The following HLF variants were observed in gnomAD, a reference collection of about 807,000 sequenced individuals.
HLF encodes hepatic leukemia factor.
In HLF, 3 loss-of-function variants were observed where a neutral mutation model predicts 22.6. The observed-to-expected ratio is 0.13, with a 90% CI of 0.06 to 0.34. The LOEUF is 0.34. HLF is among the 10% of genes least tolerant of loss of function. HLF has a pLI of 1.00. For missense variants in HLF, 299 were observed against 389.2 expected (o/e 0.77, Z 1.95); for synonymous variants, 151 against 151.8 (o/e 0.99, Z 0.04).
chr17:55,298,200 G>A (rs2081126699), intron 2 of HLF, among the ~76,000 whole-genome samples: 1 of 152,048 alleles, frequency 6.6e-6, no homozygotes, highest in Non-Finnish European at 1.5e-5. Flanking sequence ...GGATTTATGT[G>A]GGGAACTACA....
rs1041195045 is a variant in HLF, at chr17:55,292,917, A to T, written c.452-22310A>T. Among the ~76,000 whole-genome samples the T allele has an allele frequency of 3.3e-5, 5 of 152,340 alleles. No homozygotes were observed. The East Asian group carries it at 5.8e-4, about 18-fold the overall frequency. On this transcript the variant is annotated intron_variant, in intron 2 of 3. Transcript: ENST00000226067. Reference sequence around the variant, plus strand: ...AGGAAGACAAATATTGTATGTTCTTATTCAAATTGGGAGCTAAAAAGGTTG... The same window carrying T: ...AGGAAGACAAATATTGTATGTTCTTTTTCAAATTGGGAGCTAAAAAGGTTG...
At chr17:55,301,975 A>G (rs185497871) in intron 2 of HLF, among the ~76,000 whole-genome samples, 7 of 152,330 alleles carry the variant, frequency 4.6e-5, no homozygotes, top group Non-Finnish European at 8.8e-5. Context: ...ATCTCATCCT[A>G]TTATTTAACA....
intron 2 of HLF, among the ~76,000 whole-genome samples, chr17:55,297,849 A>C (rs1194763719): frequency 7.0e-6 from 1 of 143,814 alleles, no homozygotes; most frequent in African/African-American, 2.6e-5. Flanking sequence ...TCCCGGGTTC[A>C]AGCAGTTCTC....
chr17:55,318,174 G>T (rs1171118110), intron 3 of HLF, among the ~76,000 whole-genome samples: 1 of 152,122 alleles, frequency 6.6e-6, no homozygotes, highest in African/African-American at 2.4e-5. Context: ...GAGGGAAAGG[G>T]GGCAGAGGAT....
chr17:55,296,172 G>A (rs982974216), intron 2 of HLF, among the ~76,000 whole-genome samples: 1 of 152,188 alleles, frequency 6.6e-6, no homozygotes, highest in Admixed American at 6.5e-5. Context: ...TGAGGTGTGG[G>A]TGGTTGGTTT....
chr17:55,265,930 G>A, intron 1 of HLF: 1 of 954,764 alleles, frequency 1.0e-6, no homozygotes, highest in Non-Finnish European at 1.3e-6. Context: ...CACGCAGAGC[G>A]AGCCCGCCTG....
Position 55,274,569 on chromosome 17 carries a change from A to C in HLF, c.451+6483A>C, listed in dbSNP as rs187825300. On this transcript the variant is annotated intron_variant, in intron 2 of 3. Coordinates refer to ENST00000226067, the MANE Select transcript of HLF (RefSeq NM_002126.5). ...GTTTGAGACACCAGTCTATACGGGCAATATAGCAGTAATGTTTTTTAGAGC... is the reference window on the plus strand; with the variant it reads ...GTTTGAGACACCAGTCTATACGGGCCATATAGCAGTAATGTTTTTTAGAGC... Among the ~76,000 whole-genome samples, 21 of 152,350 alleles carry C rather than the reference A, an allele frequency of 1.4e-4. No homozygotes were observed. The East Asian group carries it at 3.7e-3, about 27-fold the overall frequency.
chr17:55,301,009 G>A (rs1045780275), intron 2 of HLF, among the ~76,000 whole-genome samples: 3 of 152,180 alleles, frequency 2.0e-5, no homozygotes, highest in African/African-American at 7.2e-5. Context: ...ATATCTTCAT[G>A]CCTTCACATA....
At chr17:55,311,765 C>G (rs1357847860) in intron 2 of HLF, among the ~76,000 whole-genome samples, 2 of 152,130 alleles carry the variant, frequency 1.3e-5, no homozygotes, top group Admixed American at 1.3e-4. Flanking sequence ...TGATTGAACC[C>G]TTCATGCAGA....
At chr17:55,318,228 C>G (rs1332014000) in intron 3 of HLF, among the ~76,000 whole-genome samples, 6 of 152,164 alleles carry the variant, frequency 3.9e-5, no homozygotes, top group Non-Finnish European at 7.4e-5. Flanking sequence ...CCGCTTCCCC[C>G]CTGCCCGCAA....
chr17:55,284,109 G>C (rs1383177884), intron 2 of HLF: 1 of 152,238 alleles, frequency 6.6e-6, no homozygotes, highest in Non-Finnish European at 1.5e-5. Flanking sequence ...GGTTGAGGGG[G>C]AGTGTAGTGC....
intron 2 of HLF, among the ~76,000 whole-genome samples, chr17:55,296,288 T>G (rs535838485): frequency 6.6e-6 from 1 of 152,330 alleles, no homozygotes; most frequent in African/African-American, 2.4e-5. Flanking sequence ...GTGATTTTTT[T>G]AAAAGAAATT....
intron 2 of HLF, among the ~76,000 whole-genome samples, chr17:55,270,699 C>G (rs914851626): frequency 7.3e-6 from 1 of 137,108 alleles, no homozygotes; most frequent in African/African-American, 2.8e-5. Context: ...CTCGCTCTGT[C>G]GCCCAGGCTG....
At chr17:55,296,860 C>T (rs891830138) in intron 2 of HLF, among the ~76,000 whole-genome samples, 5 of 151,736 alleles carry the variant, frequency 3.3e-5, no homozygotes, top group Non-Finnish European at 5.9e-5. Context: ...TTTACAGAGC[C>T]CAGGCCCCAT....
At chr17:55,265,769 TTCC>T in intron 1 of HLF, 170 bp downstream of exon 1, 7 of 1,273,136 alleles carry the variant, frequency 5.5e-6, no homozygotes, top group Non-Finnish European at 7.1e-6. Flanking sequence ...CTTCCTCCCC[TTCC>T]TCCTCCTCCA....
intron 1 of HLF, 41 bp downstream of exon 1, chr17:55,265,640 T>G (rs1287459493): frequency 7.1e-7 from 1 of 1,401,252 alleles, no homozygotes. Context: ...GGGACGACGC[T>G]CCGGGGGTCC....
Position 55,320,583 on chromosome 17 carries a change from C to A in HLF, c.673-81C>A. 7.8e-7 allele frequency: 1 copy of A among 1,274,570 alleles called. No homozygotes were observed. The highest frequency in any genetic ancestry group is 1.4e-5 in the South Asian group (1 of 74,012). 79.0% of individuals were successfully genotyped at this position (1,274,570 alleles called of 1,614,324 possible). ...CTGGCACCTCTGCACAATCCTGGAG[C>A]CTGCCCGTGCCCTGGCTGGCACTGG... On this transcript the variant is annotated intron_variant, in intron 3 of 3. Transcript: ENST00000226067. This position sits in a 1 kb window ranked among gnomAD's most constrained non-coding sequence, Gnocchi z 4.2.
At position 55,321,906 on chromosome 17, in the gene HLF, C is replaced by CT. The variant is rs1905274610; in HGVS notation, c.*1032dup. 4.3e-6 allele frequency: 1 copy of CT among 231,164 alleles called. No homozygotes were observed. Among genetic ancestry groups the CT allele is most frequent in the Non-Finnish European group, 8.6e-6 (1 of 116,288 alleles). 14.3% of individuals were successfully genotyped at this position (231,164 alleles called of 1,614,324 possible). On this transcript the variant is annotated 3_prime_UTR_variant, in exon 4 of 4. Coordinates refer to ENST00000226067, the MANE Select transcript of HLF (RefSeq NM_002126.5). ...GCCTCGCCCCCACTTTTCTAGTTAA[C>CT]TTTTTCCATATCCCTCTTGACATTC...
chr17:55,291,911 G>T (rs564356092), intron 2 of HLF, among the ~76,000 whole-genome samples: 18 of 152,334 alleles, frequency 1.2e-4, no homozygotes, highest in Admixed American at 8.5e-4. Context: ...GGACTTCAAG[G>T]TTTCAGTGGA....
Sources: allele counts gnomAD v4.1 joint callset (sites outside exome capture counted in the v4.1 genomes callset), GRCh38; gene constraint gnomAD v4.1.1; non-coding constraint Gnocchi (gnomAD v3.1); transcripts MANE v1.5; gene names NCBI Gene and HGNC (gene_info 2026-07-23, HGNC 2026-07-21).